The following ARHGAP39 variants were observed in gnomAD, a reference collection of about 807,000 sequenced individuals.
ARHGAP39 encodes rho GTPase-activating protein 39.
Under a neutral mutation model 106.9 loss-of-function variants are expected in ARHGAP39, and 44 were observed. That is an observed-to-expected ratio of 0.41 (90% CI 0.32 to 0.53). The LOEUF (loss-of-function observed/expected upper bound fraction) is 0.53, where lower values mean the gene tolerates loss of function less well. Ranked by LOEUF, ARHGAP39 falls within the 20% of genes least tolerant of loss-of-function variation. ARHGAP39 has a pLI of 0.21. For synonymous variants in ARHGAP39, 768 were observed against 693.2 expected (o/e 1.11, Z -1.69); for missense variants, 1,496 against 1,577.3 (o/e 0.95, Z 0.87).
intron 2 of ARHGAP39, among the ~76,000 whole-genome samples, chr8:144,594,828 T>C (rs1819545538): frequency 6.6e-6 from 1 of 152,070 alleles, no homozygotes. Flanking sequence ...GAGGTTGCAG[T>C]GAGCCAAGAT....
chr8:144,549,685 G>A (rs1319584890), intron 4 of ARHGAP39, among the ~76,000 whole-genome samples: 2 of 152,036 alleles, frequency 1.3e-5, no homozygotes, highest in African/African-American at 4.8e-5. Context: ...TAGAGAGATG[G>A]GGTTTCACCG....
intron 1 of ARHGAP39, among the ~76,000 whole-genome samples, chr8:144,674,766 G>A (rs932242058): frequency 2.0e-5 from 3 of 152,196 alleles, no homozygotes; most frequent in African/African-American, 4.8e-5. Context: ...TCCTGTGCTC[G>A]CTCGTCGGCA....
intron 7 of ARHGAP39, among the ~76,000 whole-genome samples, chr8:144,535,210 T>C (rs1586873685): frequency 6.6e-6 from 1 of 152,286 alleles, no homozygotes; most frequent in East Asian, 1.9e-4. Context: ...GGGCATGGGG[T>C]CCTTGGACCA....
intron 3 of ARHGAP39, among the ~76,000 whole-genome samples, chr8:144,566,862 G>GAAAAAAAAA (rs376603057): frequency 6.5e-5 from 6 of 92,956 alleles, no homozygotes; most frequent in Non-Finnish European, 5.2e-5. Flanking sequence ...CTCAAAAAAA[G>GAAAAAAAAA]AAAAAAAAAA....
At position 144,548,087 on chromosome 8, in the gene ARHGAP39, T is replaced by G; in HGVS notation, c.999A>C (p.Gln333His). 6.3e-7 allele frequency: 1 copy of G among 1,594,482 alleles called. No homozygotes were observed. The change falls in exon 5 of 12, where the codon CAA becomes CAC. Residue 333 changes from glutamine to histidine, a missense_variant. This residue lies in a region of ARHGAP39 where 905 missense variants were observed against 816.4 expected (regional missense o/e 1.11). Transcript: ENST00000377307. This position sits in a 1 kb window ranked among gnomAD's most constrained non-coding sequence, Gnocchi z 7.4. ...PIYDEPPMDV[Q>H]FEAGGGYQAG... is the part of the protein sequence containing the mutation. ...CCTGGTAGCCCCCGCCAGCCTCGAATTGCACGTCCATGGGGGGCTCATCGT... is the reference window on the plus strand; with the variant it reads ...CCTGGTAGCCCCCGCCAGCCTCGAAGTGCACGTCCATGGGGGGCTCATCGT...
intron 1 of ARHGAP39, among the ~76,000 whole-genome samples, chr8:144,614,376 G>A (rs546838608): frequency 1.1e-3 from 159 of 146,624 alleles, no homozygotes; most frequent in Non-Finnish European, 9.2e-4. Context: ...TTTTTGAGAC[G>A]GAGTCTCGCT....
chr8:144,565,982 T>G (rs1818380633), intron 3 of ARHGAP39, among the ~76,000 whole-genome samples: 1 of 148,884 alleles, frequency 6.7e-6, no homozygotes, highest in African/African-American at 2.5e-5. Context: ...TGGTCCCAGC[T>G]ACTCAGGAAG....
At position 144,646,651 on chromosome 8, in the gene ARHGAP39, T is replaced by C. The variant is rs1418978421; in HGVS notation, c.-82+39035A>G. 6.6e-6 allele frequency among the ~76,000 whole-genome samples: 1 copy of C among 152,064 alleles called. No individual in the cohort carries two copies. On this transcript the variant is annotated intron_variant, in intron 1 of 11. Transcript: ENST00000377307. The surrounding 1 kb of genome is among the most constrained non-coding windows in gnomAD (Gnocchi z 5.7). ...GGGCTACCTTCATTAAAAGTGAAGTTCCTTCTCAGAAACCTACCTGAAAGC... is the reference window on the plus strand; with the variant it reads ...GGGCTACCTTCATTAAAAGTGAAGTCCCTTCTCAGAAACCTACCTGAAAGC...
Position 144,580,857 on chromosome 8 carries a change from C to T in ARHGAP39, c.501G>A (p.Glu167=), listed in dbSNP as rs1037568763. 5 of 1,564,340 alleles carry T rather than the reference C, an allele frequency of 3.2e-6. No individual in the cohort carries two copies. Among genetic ancestry groups the T allele is most frequent in the Non-Finnish European group, 2.6e-6 (3 of 1,162,074 alleles). Residue 167 remains glutamate (E), a synonymous_variant, in exon 3 of 12, where the codon GAG becomes GAA. Coordinates refer to ENST00000377307, the MANE Select transcript of ARHGAP39 (RefSeq NM_025251.3). ...GCCCCCGCCCTCACCTGCCGCTGTCCTCCTTCACTGTCCCAAACGCCGCGG... is the reference window on the plus strand; with the variant it reads ...GCCCCCGCCCTCACCTGCCGCTGTCTTCCTTCACTGTCCCAAACGCCGCGG... The part of the protein sequence containing the change: ...GRPAAFGTVK[E]DSGSSSPPGV...
intron 3 of ARHGAP39, among the ~76,000 whole-genome samples, chr8:144,567,431 C>T (rs922310150): frequency 1.3e-5 from 2 of 152,186 alleles, no homozygotes; most frequent in African/African-American, 4.8e-5. Context: ...GGACCGTGGT[C>T]TAGCAGTAGC....
rs1372030407 is a variant in ARHGAP39, at chr8:144,581,073, C to A, written c.285G>T (p.Pro95=). The A allele has an allele frequency of 3.8e-6, 6 of 1,587,618 alleles. No homozygotes were observed. In the African/African-American group the frequency reaches 6.7e-5, roughly 18 times the overall value. The change falls in exon 3 of 12, where the codon CCG becomes CCT. Residue 95 remains proline (P), a synonymous_variant. Coordinates refer to ENST00000377307, the MANE Select transcript of ARHGAP39 (RefSeq NM_025251.3). ...CCAGCGGGATGATGTCGCAGCCCTG[C>A]GGCCGGTGCCACACCGTGCGCTGCG... is the stretch of plus-strand genomic sequence containing the variant. ...ASTQRTVWHR[P]QGCDIIPLAK... is the part of the protein sequence containing the mutation.
intron 1 of ARHGAP39, among the ~76,000 whole-genome samples, chr8:144,621,084 GCC>G (rs1388795527): frequency 6.6e-6 from 1 of 152,266 alleles, no homozygotes; most frequent in Non-Finnish European, 1.5e-5. Flanking sequence ...TGCTGTCCTA[GCC>G]CCCATCACAG....
intron 3 of ARHGAP39, among the ~76,000 whole-genome samples, chr8:144,569,187 GC>G (rs1385476608): frequency 6.6e-6 from 1 of 152,174 alleles, no homozygotes; most frequent in Non-Finnish European, 1.5e-5. Flanking sequence ...AGATTTTGGA[GC>G]AAAGAATATT....
intron 4 of ARHGAP39, among the ~76,000 whole-genome samples, chr8:144,551,878 G>T (rs1267357038): frequency 6.6e-6 from 1 of 152,164 alleles, no homozygotes; most frequent in Non-Finnish European, 1.5e-5. Flanking sequence ...TCCCCGATGG[G>T]CCTTCATAGC....
intron 6 of ARHGAP39, 21 bp downstream of exon 6, chr8:144,545,228 A>T: frequency 6.7e-7 from 1 of 1,488,934 alleles, no homozygotes; most frequent in African/African-American, 1.4e-5. Context: ...AGCTGGTGGC[A>T]AAGCCCGTGC....
chr8:144,576,500 G>A (rs1045315606), intron 3 of ARHGAP39, among the ~76,000 whole-genome samples: 2 of 152,172 alleles, frequency 1.3e-5, no homozygotes, highest in African/African-American at 4.8e-5. Flanking sequence ...ATGGGTGACA[G>A]GGCAGGGCTA....
chr8:144,618,498 C>A (rs1311000274), intron 1 of ARHGAP39, among the ~76,000 whole-genome samples: 1 of 152,250 alleles, frequency 6.6e-6, no homozygotes, highest in Non-Finnish European at 1.5e-5. Context: ...GGCTGTCCAC[C>A]AGAATGCTGT....
chr8:144,686,889 C>CA (rs1297330247), upstream of ARHGAP39, among the ~76,000 whole-genome samples: 13 of 145,450 alleles, frequency 8.9e-5, no homozygotes, highest in South Asian at 6.4e-4. Flanking sequence ...AACACACTGG[C>CA]GGCGAGCACT....
the ARHGAP39 span, among the ~76,000 whole-genome samples, chr8:144,693,413 G>A: frequency 1.4e-5 from 2 of 140,700 alleles, no homozygotes; most frequent in African/African-American, 5.3e-5. Context: ...TTGCTCTGTC[G>A]CCCAGGCTGG....
Sources: allele counts gnomAD v4.1 joint callset (sites outside exome capture counted in the v4.1 genomes callset), GRCh38; gene constraint gnomAD v4.1.1; regional missense constraint gnomAD v4.1.1; non-coding constraint Gnocchi (gnomAD v3.1); transcripts MANE v1.5; gene names NCBI Gene and HGNC (gene_info 2026-07-23, HGNC 2026-07-21).